Variants in MLIP observed in about 807,000 individuals in gnomAD.
MLIP encodes muscular LMNA interacting protein, also known as muscular LMNA-interacting protein.
MLIP carries 79 observed loss-of-function variants against 84.8 expected under a neutral mutation model. The observed-to-expected ratio is 0.93, with a 90% CI of 0.78 to 1.12. The LOEUF (loss-of-function observed/expected upper bound fraction) is 1.12, where lower values mean the gene tolerates loss of function less well. Among genes scored for constraint, MLIP ranks in the 50% most tolerant of loss-of-function variants. The probability of loss-of-function intolerance (pLI) is 0.00; values close to 1 mark genes in which losing one functional copy is unlikely to be tolerated. For synonymous variants in MLIP, 504 were observed against 463.0 expected, an observed-to-expected ratio of 1.09 and a Z score of -1.14; for missense variants, 1,257 against 1,160.6, an observed-to-expected ratio of 1.08 and a Z score of -1.21.
intron 3 of MLIP, among the ~76,000 whole-genome samples, chr6:54,125,317 G>C (rs1394169221): frequency 2.0e-5 from 3 of 152,158 alleles, no homozygotes; most frequent in African/African-American, 7.2e-5. Context: ...TAAAAGACTA[G>C]TAAAAGGATA....
intron 12 of MLIP, among the ~76,000 whole-genome samples, chr6:54,247,773 C>T (rs529197073): frequency 6.6e-6 from 1 of 152,178 alleles, no homozygotes; most frequent in East Asian, 1.9e-4. Context: ...ATACCCTCTC[C>T]CTCCTCAACC....
intron 1 of MLIP, among the ~76,000 whole-genome samples, chr6:54,039,079 G>T (rs1764602805): frequency 6.6e-6 from 1 of 151,766 alleles, no homozygotes; most frequent in African/African-American, 2.4e-5. Flanking sequence ...TTTTAAGATT[G>T]CCATCCTTTT....
intron 2 of MLIP, among the ~76,000 whole-genome samples, 166 bp downstream of exon 2, chr6:54,121,768 G>A (rs956723952): frequency 6.6e-6 from 1 of 152,086 alleles, no homozygotes; most frequent in African/African-American, 2.4e-5. Context: ...TTATCAAATT[G>A]CATGTTCTCT....
intron 1 of MLIP, among the ~76,000 whole-genome samples, chr6:54,041,679 T>C (rs1467577357): frequency 2.0e-5 from 3 of 152,138 alleles, no homozygotes; most frequent in Non-Finnish European, 4.4e-5. Flanking sequence ...TGGCCAATAA[T>C]GTTGAGCATC....
At chr6:54,182,442 G>A (rs1776974386) in intron 9 of MLIP, among the ~76,000 whole-genome samples, 1 of 152,128 alleles carries the variant, frequency 6.6e-6, no homozygotes, top group African/African-American at 2.4e-5. Flanking sequence ...CCCCTTCAAT[G>A]CCTCTTTCAG....
chr6:54,086,758 T>C (rs1767522113), intron 1 of MLIP, among the ~76,000 whole-genome samples: 1 of 152,190 alleles, frequency 6.6e-6, no homozygotes, highest in South Asian at 2.1e-4. Flanking sequence ...CCTTTGGTTC[T>C]TGGCTTTTGC....
intron 1 of MLIP, among the ~76,000 whole-genome samples, chr6:54,117,972 A>G (rs7453884): frequency 3.8e-3 from 215 of 56,876 alleles, no homozygotes; most frequent in African/African-American, 0.021. Flanking sequence ...AACAACAGCA[A>G]CAACAACAAC....
intron 12 of MLIP, among the ~76,000 whole-genome samples, chr6:54,232,868 T>C (rs1231145832): frequency 1.3e-5 from 2 of 152,124 alleles, no homozygotes; most frequent in African/African-American, 4.8e-5. Context: ...GCTGAACTTG[T>C]CTTACCAGTC....
intron 5 of MLIP, among the ~76,000 whole-genome samples, chr6:54,151,710 A>G (rs1773462098): frequency 6.6e-6 from 1 of 152,154 alleles, no homozygotes; most frequent in Admixed American, 6.6e-5. Context: ...TATCTCTCCA[A>G]TTGGATTAAA....
chr6:54,065,908 T>C (rs1251090887), intron 1 of MLIP, among the ~76,000 whole-genome samples: 1 of 99,992 alleles, frequency 1.0e-5, no homozygotes, highest in African/African-American at 2.6e-5. Context: ...AGTCTTTTTT[T>C]TGATAAACTC....
chr6:54,164,674 T>C (rs1318120784), intron 8 of MLIP, among the ~76,000 whole-genome samples: 1 of 152,014 alleles, frequency 6.6e-6, no homozygotes, highest in Non-Finnish European at 1.5e-5. Flanking sequence ...TGTGTTCTTA[T>C]GCTTTTGCCT....
At chr6:54,162,850 G>C (rs775482981) in intron 8 of MLIP, among the ~76,000 whole-genome samples, 2 of 151,954 alleles carry the variant, frequency 1.3e-5, no homozygotes, top group African/African-American at 2.4e-5. Context: ...TGAGCGTCCT[G>C]TACAGAGTTC....
intron 11 of MLIP, chr6:54,216,227 T>C: frequency 9.1e-6 from 9 of 985,346 alleles, no homozygotes; most frequent in Non-Finnish European, 1.1e-5. Context: ...GTTGATTTCC[T>C]GCTAAAGGGT....
At chr6:54,180,400 C>A (rs1487331270) in intron 9 of MLIP, among the ~76,000 whole-genome samples, 2 of 152,106 alleles carry the variant, frequency 1.3e-5, no homozygotes, top group African/African-American at 4.8e-5. Context: ...TACCTTTGAA[C>A]AAACTTTCTA....
intron 8 of MLIP, among the ~76,000 whole-genome samples, chr6:54,165,558 A>G (rs1373160914): frequency 7.2e-5 from 11 of 151,950 alleles, no homozygotes; most frequent in Admixed American, 7.2e-4. Context: ...GCAGGTGTAG[A>G]ATACGTAAAA....
rs765131080 is a variant in MLIP, at chr6:54,052,440, T to A, written c.63+33349T>A. Among the ~76,000 whole-genome samples the A allele has an allele frequency of 5.9e-5, 9 of 152,294 alleles. No individual in the cohort carries two copies. The South Asian group carries it at 6.2e-4, about 11-fold the overall frequency. On this transcript the variant is annotated intron_variant, in intron 1 of 12. Coordinates refer to the MLIP transcript ENST00000274897. ...GCAATTCTGGTAAGGAAAGGAAAGG[T>A]TTAGATTATGTTTAATAACACTGAT...
At chr6:54,054,694 A>G (rs1047340251) in intron 1 of MLIP, among the ~76,000 whole-genome samples, 1 of 152,212 alleles carries the variant, frequency 6.6e-6, no homozygotes, top group African/African-American at 2.4e-5. Flanking sequence ...ACGTTGCATT[A>G]TCATGTGCAA....
intron 9 of MLIP, among the ~76,000 whole-genome samples, chr6:54,174,805 C>T (rs1392019564): frequency 6.6e-6 from 1 of 151,724 alleles, no homozygotes; most frequent in Non-Finnish European, 1.5e-5. Context: ...TGGGGTATTA[C>T]TGGAGAAATT....
chr6:54,159,631 C>T (rs543556995), intron 5 of MLIP, among the ~76,000 whole-genome samples: 1 of 152,034 alleles, frequency 6.6e-6, no homozygotes, highest in East Asian at 1.9e-4. Context: ...AGCAACAACC[C>T]AGCAGACGTA....
Sources: gnomAD v4.1 joint callset for allele counts (sites outside exome capture counted in the v4.1 genomes callset) on GRCh38, gnomAD v4.1.1 for gene constraint, MANE v1.5 for transcripts, NCBI Gene and HGNC (gene_info 2026-07-23, HGNC 2026-07-21) for gene names.